The following SLX4 variants were observed in gnomAD, a reference collection of about 807,000 sequenced individuals.
SLX4 encodes the protein structure-specific endonuclease subunit SLX4.
In SLX4, 112 loss-of-function variants were observed where a neutral mutation model predicts 146.2. The observed-to-expected ratio is 0.77, with a 90% confidence interval of 0.66 to 0.90. SLX4 has a LOEUF of 0.90. Among genes scored for constraint, SLX4 ranks in the 40% least tolerant of loss-of-function variants. SLX4 has a pLI of 0.00. For missense variants in SLX4, 2,563 were observed against 2,392.7 expected (o/e 1.07, Z -1.49); for synonymous variants, 1,061 against 997.7 (o/e 1.06, Z -1.20).
At chr16:3,592,988 C>T in intron 10 of SLX4, 123 bp from the exon 11 acceptor site, 1 of 982,616 alleles carries the variant, frequency 1.0e-6, no homozygotes, top group Non-Finnish European at 1.5e-6. Context: ...GAGACAGTGT[C>T]TCCCCTTGTC....
rs543091261 is a variant in SLX4, at chr16:3,608,686, G to A, written c.279C>T (p.Thr93=). The A allele has an allele frequency of 6.2e-7, 1 of 1,614,156 alleles. No individual in the cohort carries two copies. Among genetic ancestry groups the A allele is most frequent in the African/African-American group, 1.3e-5 (1 of 75,020 alleles). ...GTQIRSKLKR[T]KQTATKTKTL... ...TTTTGGTCTTGGTAGCAGTTTGTTT[G>A]GTCCTTTTCAATTTGCTTCTTATCT... is the stretch of plus-strand genomic sequence containing the variant. The change falls in exon 2 of 15, where the codon ACC becomes ACT. Residue 93 remains threonine, a synonymous_variant. Coordinates refer to ENST00000294008, the MANE Select transcript of SLX4 (RefSeq NM_032444.4).
chr16:3,600,898 T>G, intron 5 of SLX4, 81 bp downstream of exon 5: 1 of 1,500,278 alleles, frequency 6.7e-7, no homozygotes. Flanking sequence ...GTCCAGCCCA[T>G]AAAAAGCTTT....
At position 3,592,869 on chromosome 16, in the gene SLX4, C is replaced by T. The variant is rs763517879; in HGVS notation, c.2161-4G>A. The T allele has an allele frequency of 1.9e-6, 3 of 1,608,584 alleles. No homozygotes were observed. The highest frequency in any genetic ancestry group is 2.7e-5 in the African/African-American group (2 of 74,774). The stretch of plus-strand genomic sequence containing the variant: ...CGGAGAAGCCTTCATTGTTCACCTG[C>T]AGGTGAAATGCAACACAGAGGGTTT... On this transcript the variant is annotated splice_polypyrimidine_tract_variant and splice_region_variant and intron_variant, in intron 10 of 14. Transcript: ENST00000294008.
chr16:3,602,356 T>A, intron 3 of SLX4, 49 bp from the exon 4 acceptor site: 1 of 1,602,396 alleles, frequency 6.2e-7, no homozygotes, highest in Non-Finnish European at 8.5e-7. Flanking sequence ...AAAGACAAGC[T>A]CACCCTCAGA....
At chr16:3,595,493 A>G in intron 9 of SLX4, 112 bp downstream of exon 9, 1 of 1,180,762 alleles carries the variant, frequency 8.5e-7, no homozygotes, top group Non-Finnish European at 1.2e-6. Context: ...AGGCCTTGAG[A>G]GGCCACTGCA....
intron 3 of SLX4, 136 bp downstream of exon 3, chr16:3,606,338 A>C (rs890539548): frequency 2.0e-5 from 19 of 927,076 alleles, no homozygotes; most frequent in Non-Finnish European, 3.2e-5. Flanking sequence ...GATCCAGTGA[A>C]GTGGCAAAGG....
chr16:3,589,814 A>G lies in SLX4; in HGVS notation c.3824T>C (p.Ile1275Thr). Residue 1275 changes from isoleucine to threonine, a missense_variant, in exon 12 of 15, where the codon ATC (isoleucine) becomes ACC (threonine). By Grantham distance (89) the Ile-to-Thr change is moderately conservative. Coordinates refer to ENST00000294008, the MANE Select transcript of SLX4 (RefSeq NM_032444.4). The surrounding 1 kb of genome is among the most constrained non-coding windows in gnomAD (Gnocchi z 6.2). ...GGCCAGCCCGCTCCTGAGGCTGCTG[A>G]TTTGGGTCTGGGAAGAACAGTCACG... ...RSRDCSSQTQ[I>T]SSLRSGLAVQ... 1.2e-6 allele frequency: 2 copies of G among 1,613,318 alleles called. No homozygotes were observed. Among genetic ancestry groups the G allele is most frequent in the South Asian group, 1.1e-5 (1 of 91,078 alleles).
chr16:3,584,841 G>A lies in SLX4; in HGVS notation c.4667C>T (p.Pro1556Leu), dbSNP rs993431348. Residue 1556 changes from proline (P) to leucine (L), a missense_variant, in exon 13 of 15, where the codon CCC (proline) becomes CTC (leucine). Coordinates refer to ENST00000294008, the MANE Select transcript of SLX4 (RefSeq NM_032444.4). ...KGANRKKNLP[P>L]KVPITPMPQY... Reference sequence around the variant, plus strand: ...TGGCATCGGCGTTATGGGCACTTTGGGGGGCAAGTTCTTCTTCCGATTAGC... The same window carrying A: ...TGGCATCGGCGTTATGGGCACTTTGAGGGGCAAGTTCTTCTTCCGATTAGC... The A allele has an allele frequency of 6.8e-6, 11 of 1,613,920 alleles. No individual in the cohort carries two copies. Among genetic ancestry groups the A allele is most frequent in the African/African-American group, 2.7e-5 (2 of 74,914 alleles).
In SLX4 at chr16:3,589,553, A is replaced by ATGGGATG; in HGVS notation, c.4078_4084dup (p.Ile1362ThrfsTer32). 6.2e-7 allele frequency: 1 copy of ATGGGATG among 1,611,796 alleles called. No individual in the cohort carries two copies. The highest frequency in any genetic ancestry group is 8.5e-7 in the Non-Finnish European group (1 of 1,178,898). ...GCTGAAGTGGGCGCGGTCCCCTGAG[A>ATGGGATG]TGGGATGTGGAGCCAGCGGAGAGGA... is the stretch of plus-strand genomic sequence containing the variant. On this transcript the variant is annotated frameshift_variant, in exon 12 of 15. Coordinates refer to ENST00000294008, the MANE Select transcript of SLX4 (RefSeq NM_032444.4). LOFTEE classifies it high-confidence loss of function. The surrounding 1 kb of genome is among the most constrained non-coding windows in gnomAD (Gnocchi z 6.2).
chr16:3,584,980 C>T lies in SLX4; in HGVS notation c.4637-109G>A, dbSNP rs1864306294. On this transcript the variant is annotated intron_variant, in intron 12 of 14. Coordinates refer to ENST00000294008, the MANE Select transcript of SLX4 (RefSeq NM_032444.4). ...ATAATGCACTTGAAGATAACCCAAG[C>T]ATCGTTTTGCTCCATGAAAGCAACA... 11 of 868,678 alleles carry T rather than the reference C, an allele frequency of 1.3e-5. No homozygotes were observed. In the South Asian group the frequency reaches 1.3e-4, roughly 10 times the overall value. 53.8% of individuals were successfully genotyped at this position (868,678 alleles called of 1,614,324 possible). A position where few individuals can be genotyped will look rare whatever the true frequency, so the allele number is the denominator to read the frequency against.
chr16:3,604,606 A>C (rs538150600), intron 3 of SLX4, among the ~76,000 whole-genome samples: 11 of 152,064 alleles, frequency 7.2e-5, no homozygotes, highest in Non-Finnish European at 1.3e-4. Flanking sequence ...ACAGATCACA[A>C]GGTCAGGAGT....
In SLX4 at chr16:3,596,355, A is replaced by G. The variant is rs538447555; in HGVS notation, c.1722T>C (p.Pro574=). Residue 574 remains proline, a synonymous_variant, in exon 8 of 15, where the codon CCT becomes CCC. Coordinates refer to ENST00000294008, the MANE Select transcript of SLX4 (RefSeq NM_032444.4). ...MQEPVPPLVP[P]EHSELSERRS... ...TTCGCTCGCTCAGCTCTGAGTGCTCAGGTGGCACCAGAGGCGGCACGGGCT... is the reference window on the plus strand; with the variant it reads ...TTCGCTCGCTCAGCTCTGAGTGCTCGGGTGGCACCAGAGGCGGCACGGGCT... The G allele has an allele frequency of 2.5e-6, 4 of 1,596,980 alleles. No homozygotes were observed. The highest frequency in any genetic ancestry group is 3.4e-6 in the Non-Finnish European group (4 of 1,171,388).
rs200928592 is a variant in SLX4, at chr16:3,589,789, G to C, written c.3849C>G (p.Ala1283=). 1.6e-5 allele frequency: 26 copies of C among 1,613,380 alleles called. No individual in the cohort carries two copies. Among genetic ancestry groups the C allele is most frequent in the East Asian group, 6.7e-5 (3 of 44,872 alleles). Residue 1283 remains alanine, a synonymous_variant, in exon 12 of 15, where the codon GCC becomes GCG. Coordinates refer to ENST00000294008, the MANE Select transcript of SLX4 (RefSeq NM_032444.4). This position sits in a 1 kb window ranked among gnomAD's most constrained non-coding sequence, Gnocchi z 6.2. The part of the protein sequence containing the change: ...TQISSLRSGL[A]VQAVTQHTPR... Reference sequence around the variant, plus strand: ...GCGTGTGCTGAGTCACCGCCTGCACGGCCAGCCCGCTCCTGAGGCTGCTGA... The same window carrying C: ...GCGTGTGCTGAGTCACCGCCTGCACCGCCAGCCCGCTCCTGAGGCTGCTGA...
chr16:3,603,244 T>G (rs943622605), intron 3 of SLX4, among the ~76,000 whole-genome samples: 2 of 152,226 alleles, frequency 1.3e-5, no homozygotes, highest in Non-Finnish European at 2.9e-5. Flanking sequence ...GGCTTCACCA[T>G]GTTGGCCAGG....
At chr16:3,598,252 A>G (rs1232980093) in intron 5 of SLX4, among the ~76,000 whole-genome samples, 2 of 152,184 alleles carry the variant, frequency 1.3e-5, no homozygotes, top group Admixed American at 1.3e-4. Context: ...TGGCAGATGT[A>G]CGGAGCCATC....
chr16:3,582,666 T>C lies in SLX4; in HGVS notation c.5181A>G (p.Ala1727=). The part of the protein sequence containing the change: ...QSSSSCEFGA[A]FESAGEEEGE... The stretch of plus-strand genomic sequence containing the variant: ...CCTCCTCTTCACCTGCAGACTCAAA[T>C]GCCGCTCCAAACTCACAGGAGGAAG... The change falls in exon 15 of 15, where the codon GCA becomes GCG. Residue 1727 remains alanine, a synonymous_variant. Transcript: ENST00000294008. 1.9e-6 allele frequency: 3 copies of C among 1,612,966 alleles called. No homozygotes were observed. The highest frequency in any genetic ancestry group is 2.5e-6 in the Non-Finnish European group (3 of 1,180,014).
At position 3,597,931 on chromosome 16, in the gene SLX4, C is replaced by T. The variant is rs201009985; in HGVS notation, c.1232G>A (p.Arg411Gln). 8.7e-5 allele frequency: 141 copies of T among 1,614,178 alleles called. No homozygotes were observed. The Middle Eastern group carries it at 1.3e-3, about 15-fold the overall frequency. Reference sequence around the variant, plus strand: ...CTCGGACGGTGCCTCGTCCACCTTCCGCCTCTTCCGTGGCTCCTTCTTGCT... The same window carrying T: ...CTCGGACGGTGCCTCGTCCACCTTCTGCCTCTTCCGTGGCTCCTTCTTGCT... The part of the protein sequence containing the change: ...PTSKKEPRKR[R>Q]KVDEAPSEDL... Residue 411 changes from arginine to glutamine, a missense_variant, in exon 6 of 15, where the codon CGG becomes CAG. Transcript: ENST00000294008. This position sits in a 1 kb window ranked among gnomAD's most constrained non-coding sequence, Gnocchi z 4.4.
rs959148678 is a variant in SLX4, at chr16:3,608,622, T to G, written c.343A>C (p.Ser115Arg). Residue 115 changes from serine (S) to arginine (R), a missense_variant, in exon 2 of 15, where the codon AGC (serine) becomes CGC (arginine). Physicochemically the swap from Ser to Arg is moderately radical, Grantham distance 110. Transcript: ENST00000294008. The part of the protein sequence containing the change: ...GPAEKKPPSG[S>R]QAPRTKKQRV... ...TGCTTTTTAGTCCTAGGGGCCTGGC[T>G]GCCAGACGGAGGTTTCTTCTCTGCA... 6.2e-7 allele frequency: 1 copy of G among 1,614,216 alleles called. No individual in the cohort carries two copies.
In SLX4 at chr16:3,609,181, T is replaced by C. The variant is rs943718250; in HGVS notation, c.-217A>G. On this transcript the variant is annotated 5_prime_UTR_variant, in exon 2 of 15. Coordinates refer to ENST00000294008, the MANE Select transcript of SLX4 (RefSeq NM_032444.4). ...CTCTTTTGGAGGACGAGGCGGGGGG[T>C]GGATCACCTGAGGTCAGAAGTTCGA... 3.9e-6 allele frequency: 2 copies of C among 511,498 alleles called. No individual in the cohort carries two copies. Among genetic ancestry groups the C allele is most frequent in the Non-Finnish European group, 7.0e-6 (2 of 284,044 alleles). 31.7% of individuals were successfully genotyped at this position (511,498 alleles called of 1,614,324 possible).
Sources: gnomAD v4.1 joint callset for allele counts (sites outside exome capture counted in the v4.1 genomes callset) on GRCh38, gnomAD v4.1.1 for gene constraint, Gnocchi (gnomAD v3.1) non-coding constraint, MANE v1.5 for transcripts, NCBI Gene and HGNC (gene_info 2026-07-23, HGNC 2026-07-21) for gene names.